The following BMPR1B variants were observed in gnomAD, a reference collection of about 807,000 sequenced individuals.
The protein encoded by BMPR1B is bone morphogenetic protein receptor type-1B.
In BMPR1B, 12 loss-of-function variants were observed where a neutral mutation model predicts 59.1. That is an observed-to-expected ratio of 0.20 (90% CI 0.13 to 0.33). The LOEUF is 0.33. Ranked by LOEUF, BMPR1B falls within the 10% of genes least tolerant of loss-of-function variation. The pLI is 1.00. For missense variants in BMPR1B, 550 were observed against 610.9 expected (o/e 0.90, Z 1.05); for synonymous variants, 237 against 207.3 (o/e 1.14, Z -1.23).
chr4:94,828,866 T>C (rs906752980), intron 1 of BMPR1B, among the ~76,000 whole-genome samples: 1 of 152,120 alleles, frequency 6.6e-6, no homozygotes, highest in Non-Finnish European at 1.5e-5. Flanking sequence ...GAACATAGTT[T>C]AAAAAATAAA....
At chr4:95,127,865 A>C (rs892266938) in intron 8 of BMPR1B, among the ~76,000 whole-genome samples, 1 of 151,618 alleles carries the variant, frequency 6.6e-6, no homozygotes. Context: ...GTCCCCCCAA[A>C]ATGTTCATGC....
intron 3 of BMPR1B, among the ~76,000 whole-genome samples, chr4:95,002,325 AT>A (rs1276685606): frequency 6.6e-6 from 1 of 152,140 alleles, no homozygotes; most frequent in Non-Finnish European, 1.5e-5. Context: ...ATTCTTTTTT[AT>A]GGCAGTGTAG....
intron 3 of BMPR1B, among the ~76,000 whole-genome samples, chr4:95,050,873 ATTTC>A (rs529169718): frequency 1.3e-3 from 203 of 152,308 alleles, no homozygotes; most frequent in African/African-American, 4.5e-3. Context: ...TTTTGAAAAA[ATTTC>A]TTTATCTCAT....
At chr4:95,061,293 A>G (rs780221677) in intron 3 of BMPR1B, among the ~76,000 whole-genome samples, 5 of 152,036 alleles carry the variant, frequency 3.3e-5, no homozygotes, top group Non-Finnish European at 7.4e-5. Context: ...GGCATTCCAA[A>G]TGCTTGGGAT....
At chr4:94,871,108 A>C (rs1726470714) in intron 1 of BMPR1B, among the ~76,000 whole-genome samples, 1 of 152,154 alleles carries the variant, frequency 6.6e-6, no homozygotes, top group Admixed American at 6.5e-5. Flanking sequence ...AGATGAGAAA[A>C]CCAGGGGTTA....
intron 2 of BMPR1B, among the ~76,000 whole-genome samples, chr4:94,914,693 T>C (rs978248547): frequency 2.0e-5 from 3 of 152,098 alleles, no homozygotes; most frequent in African/African-American, 7.2e-5. Context: ...GATAGTTGGA[T>C]AAGTAAATTT....
chr4:94,939,967 C>T (rs1729447230), intron 2 of BMPR1B, among the ~76,000 whole-genome samples: 1 of 152,198 alleles, frequency 6.6e-6, no homozygotes, highest in Non-Finnish European at 1.5e-5. Flanking sequence ...TGTTTTGAAT[C>T]AGATACTATT....
chr4:94,975,662 G>A (rs1379548819), intron 2 of BMPR1B, among the ~76,000 whole-genome samples: 2 of 152,060 alleles, frequency 1.3e-5, no homozygotes, highest in African/African-American at 2.4e-5. Context: ...CTACAGGCAT[G>A]AGCCAATTTG....
chr4:94,906,861 TA>T (rs1429458840), intron 2 of BMPR1B, among the ~76,000 whole-genome samples: 18 of 152,194 alleles, frequency 1.2e-4, no homozygotes, highest in African/African-American at 4.3e-4. Context: ...TGACTATGAA[TA>T]ACTCATAATT....
At chr4:95,093,187 TGTC>T (rs1730120123) in intron 3 of BMPR1B, among the ~76,000 whole-genome samples, 1 of 152,126 alleles carries the variant, frequency 6.6e-6, no homozygotes. Context: ...GTTACTTGCT[TGTC>T]AAGTTAATTT....
intron 1 of BMPR1B, among the ~76,000 whole-genome samples, chr4:94,774,841 C>A (rs914322608): frequency 6.6e-6 from 1 of 151,726 alleles, no homozygotes; most frequent in Non-Finnish European, 1.5e-5. Flanking sequence ...AATATAGAAC[C>A]CAAAAGATGC....
intron 1 of BMPR1B, among the ~76,000 whole-genome samples, chr4:94,774,141 A>C (rs1249888230): frequency 6.6e-6 from 1 of 152,032 alleles, no homozygotes; most frequent in Admixed American, 6.5e-5. Flanking sequence ...TTTTAATCTC[A>C]TCATGCTTCT....
chr4:94,935,611 G>A (rs1196306257), intron 2 of BMPR1B, among the ~76,000 whole-genome samples: 3 of 152,324 alleles, frequency 2.0e-5, no homozygotes, highest in Non-Finnish European at 4.4e-5. Context: ...GTATGTGTGT[G>A]AGGTGGTGTA....
At position 95,125,096 on chromosome 4, in the gene BMPR1B, G is replaced by C. The variant is rs200839585; in HGVS notation, c.560G>C (p.Gly187Ala). ...TTAATTGAGCAGTCTCAGAGCTCAG[G>C]AAGTGGATCAGGCCTCCCTCTGCTG... is the stretch of plus-strand genomic sequence containing the variant. The part of the protein sequence containing the change: ...RDLIEQSQSS[G>A]SGSGLPLLVQ... Residue 187 changes from glycine (G) to alanine (A), a missense_variant, in exon 8 of 13, where the codon GGA becomes GCA. Physicochemically the swap from Gly to Ala is moderately conservative, Grantham distance 60. Around this residue, in one of 6 missense-constraint regions of BMPR1B, gnomAD observed 318 missense variants for 284.6 expected, o/e 1.12. Coordinates refer to ENST00000515059, the MANE Select transcript of BMPR1B (RefSeq NM_001203.3). 6.2e-7 allele frequency: 1 copy of C among 1,613,832 alleles called. No homozygotes were observed. Among genetic ancestry groups the C allele is most frequent in the Admixed American group, 1.7e-5 (1 of 59,960 alleles).
chr4:94,858,185 C>T (rs13109358), intron 1 of BMPR1B, among the ~76,000 whole-genome samples: 23,598 of 151,864 alleles, frequency 0.16, 2,070 homozygotes, highest in South Asian at 0.23. Context: ...CTCCTGACCT[C>T]GTGATCTGCC....
chr4:94,770,180 G>GTTTTTTTT lies in BMPR1B; in HGVS notation c.-183+12113_-183+12114insTTTTTTTT, dbSNP rs1553903537. Among the ~76,000 whole-genome samples the GTTTTTTTT allele has an allele frequency of 7.2e-4, 76 of 106,258 alleles. 4 individuals are homozygous for GTTTTTTTT. The highest frequency in any genetic ancestry group is 2.9e-3 in the African/African-American group (70 of 24,190). 69.7% of individuals were successfully genotyped at this position (106,258 alleles called of 152,430 possible). On this transcript the variant is annotated intron_variant, in intron 1 of 12. Coordinates refer to ENST00000515059, the MANE Select transcript of BMPR1B (RefSeq NM_001203.3). ...TTTGTTTGAATTGTCCTTCGTTTCT[G>GTTTTTTTT]TGTTTGTTTTTTTTTTTTTTTTTTG...
At chr4:94,815,129 T>C (rs1479770631) in intron 1 of BMPR1B, among the ~76,000 whole-genome samples, 3 of 152,138 alleles carry the variant, frequency 2.0e-5, no homozygotes, top group Admixed American at 1.3e-4. Context: ...GGTCTCAAAC[T>C]CCTAACCTCA....
intron 8 of BMPR1B, among the ~76,000 whole-genome samples, chr4:95,129,242 T>C (rs1320248748): frequency 6.6e-6 from 1 of 152,214 alleles, no homozygotes; most frequent in East Asian, 1.9e-4. Context: ...TGCTTAATGC[T>C]GAAGCCCTAG....
At position 95,157,298 on chromosome 4, in the gene BMPR1B, G is replaced by T. The variant is rs1438830205; in HGVS notation, c.*2625G>T. ...TGAAACAAGAATTTATTTATGCATA[G>T]ATTTTTCTCTGTATCTTACCAAAAT... On this transcript the variant is annotated 3_prime_UTR_variant, in exon 13 of 13. Coordinates refer to ENST00000515059, the MANE Select transcript of BMPR1B (RefSeq NM_001203.3). 6.6e-6 allele frequency: 1 copy of T among 152,024 alleles called. No homozygotes were observed. Among genetic ancestry groups the T allele is most frequent in the Non-Finnish European group, 1.5e-5 (1 of 67,954 alleles). 9.4% of individuals were successfully genotyped at this position (152,024 alleles called of 1,614,324 possible).
Sources: gnomAD v4.1 joint callset for allele counts (sites outside exome capture counted in the v4.1 genomes callset) on GRCh38, gnomAD v4.1.1 for gene constraint, gnomAD v4.1.1 regional missense constraint, MANE v1.5 for transcripts, NCBI Gene and HGNC (gene_info 2026-07-23, HGNC 2026-07-21) for gene names.